The following OSBPL11 variants were observed in gnomAD, a reference collection of about 807,000 sequenced individuals.
The protein encoded by OSBPL11 is oxysterol binding protein like 11, also known as oxysterol-binding protein-related protein 11.
Under a neutral mutation model 84.4 loss-of-function variants are expected in OSBPL11, and 33 were observed. That is an observed-to-expected ratio of 0.39 (90% confidence interval 0.30 to 0.52). The LOEUF is 0.52. Among genes scored for constraint, OSBPL11 ranks in the 20% least tolerant of loss-of-function variants. The pLI, the probability that OSBPL11 is intolerant of heterozygous loss-of-function variation, is 0.72. For missense variants in OSBPL11, 736 were observed against 901.1 expected, an observed-to-expected ratio of 0.82 and a Z score of 2.35; for synonymous variants, 276 against 310.2, an observed-to-expected ratio of 0.89 and a Z score of 1.16.
intron 2 of OSBPL11, among the ~76,000 whole-genome samples, chr3:125,580,889 A>G (rs1936414069): frequency 6.6e-6 from 1 of 152,170 alleles, no homozygotes; most frequent in African/African-American, 2.4e-5. Context: ...AAAACTAAAG[A>G]TTACTTCTCC....
intron 9 of OSBPL11, among the ~76,000 whole-genome samples, chr3:125,549,723 G>A (rs1191281203): frequency 1.3e-5 from 2 of 152,052 alleles, no homozygotes; most frequent in Non-Finnish European, 2.9e-5. Context: ...CTGGGTTCAA[G>A]CTATCCTTCC....
At chr3:125,533,832 A>G (rs1380154892) in intron 11 of OSBPL11, among the ~76,000 whole-genome samples, 3 of 152,230 alleles carry the variant, frequency 2.0e-5, no homozygotes, top group Admixed American at 2.0e-4. Context: ...ACCAATCTCA[A>G]TAACTAAACT....
At chr3:125,567,283 T>C in intron 6 of OSBPL11, 111 bp downstream of exon 6, 1 of 944,932 alleles carries the variant, frequency 1.1e-6, no homozygotes. Context: ...GGCTCTGGTT[T>C]TCTTCTCCTT....
chr3:125,584,123 T>C (rs1217870034), intron 1 of OSBPL11, among the ~76,000 whole-genome samples: 3 of 152,190 alleles, frequency 2.0e-5, no homozygotes, highest in Admixed American at 6.5e-5. Context: ...CCAGCACTTT[T>C]GGAGGCCGGG....
chr3:125,534,952 A>G (rs1334494585), intron 11 of OSBPL11, among the ~76,000 whole-genome samples: 2 of 50,066 alleles, frequency 4.0e-5, no homozygotes, highest in East Asian at 3.6e-4. Flanking sequence ...AAGAAATTAG[A>G]AAAAAAAAAA....
intron 1 of OSBPL11, among the ~76,000 whole-genome samples, chr3:125,586,322 T>C (rs1301972927): frequency 6.6e-6 from 1 of 152,190 alleles, no homozygotes; most frequent in Non-Finnish European, 1.5e-5. Flanking sequence ...AAACTGGGTA[T>C]ATTTCTAATC....
rs1936651153 is a variant in OSBPL11, at chr3:125,594,632, C to T, written c.164+5G>A. The T allele has an allele frequency of 6.2e-7, 1 of 1,612,302 alleles. No homozygotes were observed. The highest frequency in any genetic ancestry group is 8.5e-7 in the Non-Finnish European group (1 of 1,179,630). On this transcript the variant is annotated splice_donor_5th_base_variant and intron_variant, in intron 1 of 12. Coordinates refer to ENST00000296220, the MANE Select transcript of OSBPL11 (RefSeq NM_022776.5). ...CGGGAAATAATTTTGGAGAAAGGAG[C>T]ATACCTGTACTGCCAGCCTTTTGCA... is the stretch of plus-strand genomic sequence containing the variant.
intron 1 of OSBPL11, among the ~76,000 whole-genome samples, chr3:125,591,952 T>C (rs754824879): frequency 6.6e-6 from 1 of 152,098 alleles, no homozygotes; most frequent in Non-Finnish European, 1.5e-5. Flanking sequence ...CAGTGAGCTA[T>C]GATGGAGACA....
intron 5 of OSBPL11, among the ~76,000 whole-genome samples, chr3:125,573,010 AGTGT>A (rs548612736): frequency 4.1e-5 from 6 of 147,532 alleles, no homozygotes; most frequent in Non-Finnish European, 7.5e-5. Flanking sequence ...TAGTATATAT[AGTGT>A]GTGTGTGTGT....
At position 125,594,656 on chromosome 3, in the gene OSBPL11, C is replaced by T. The variant is rs138620986; in HGVS notation, c.145G>A (p.Ala49Thr). The T allele has an allele frequency of 1.9e-4, 311 of 1,613,584 alleles. No homozygotes were observed. The highest frequency in any genetic ancestry group is 4.0e-4 in the Admixed American group (24 of 60,000). The part of the protein sequence containing the change: ...SSSSSSRGGS[A>T]KGWQYSDHME... ...GCATACCTGTACTGCCAGCCTTTTG[C>T]ACTGCCACCGCGGCTGCTGCTGCTG... is the stretch of plus-strand genomic sequence containing the variant. Residue 49 changes from alanine to threonine, a missense_variant, in exon 1 of 13, where the codon GCA becomes ACA. Coordinates refer to ENST00000296220, the MANE Select transcript of OSBPL11 (RefSeq NM_022776.5).
chr3:125,539,902 G>T (rs1355162667), intron 10 of OSBPL11, among the ~76,000 whole-genome samples: 1 of 152,132 alleles, frequency 6.6e-6, no homozygotes, highest in Non-Finnish European at 1.5e-5. Flanking sequence ...GATTCAAAAG[G>T]AAATCCAAAA....
chr3:125,592,289 T>G (rs1351440087), intron 1 of OSBPL11, among the ~76,000 whole-genome samples: 3 of 152,108 alleles, frequency 2.0e-5, no homozygotes, highest in Non-Finnish European at 4.4e-5. Context: ...TGCTCCCACC[T>G]CAGCGCCCCA....
Position 125,579,939 on chromosome 3 carries a change from A to T in OSBPL11, c.335T>A (p.Val112Glu). The change falls in exon 3 of 13, where the codon GTA (valine) becomes GAA (glutamate). Residue 112 changes from valine (V) to glutamate (E), a missense_variant. By Grantham distance (121) the Val-to-Glu change is moderately radical. This residue lies in a region of OSBPL11 where 43 missense variants were observed against 78.7 expected (regional missense o/e 0.55). Transcript: ENST00000296220. ...PRGTLQLAGA[V>E]ISPSDEDSHT... ...AGAATCCTCATCACTGGGTGATATT[A>T]CAGCTCCTGCAAGCTGCAAAGTTCC... 3 of 1,614,176 alleles carry T rather than the reference A, an allele frequency of 1.9e-6. No individual in the cohort carries two copies. The highest frequency in any genetic ancestry group is 2.5e-6 in the Non-Finnish European group (3 of 1,179,992).
At chr3:125,574,111 T>C (rs1397557266) in intron 5 of OSBPL11, among the ~76,000 whole-genome samples, 1 of 152,140 alleles carries the variant, frequency 6.6e-6, no homozygotes, top group African/African-American at 2.4e-5. Context: ...ACTATTTTTA[T>C]AAGAATTCAA....
chr3:125,547,844 G>A (rs1935842351), intron 9 of OSBPL11, among the ~76,000 whole-genome samples: 1 of 152,022 alleles, frequency 6.6e-6, no homozygotes, highest in African/African-American at 2.4e-5. Flanking sequence ...ATGTTACAGT[G>A]GAAACATTTC....
chr3:125,594,548 T>A, intron 1 of OSBPL11, 89 bp downstream of exon 1: 1 of 1,481,128 alleles, frequency 6.8e-7, no homozygotes, highest in East Asian at 2.3e-5. Context: ...GAAAAAACTT[T>A]TATCTTTCAA....
At chr3:125,554,023 G>C (rs928323547) in intron 8 of OSBPL11, among the ~76,000 whole-genome samples, 1 of 152,170 alleles carries the variant, frequency 6.6e-6, no homozygotes, top group Non-Finnish European at 1.5e-5. Context: ...GGAGCTGATC[G>C]CACTAGGTAC....
chr3:125,593,303 T>C (rs552876672), intron 1 of OSBPL11, among the ~76,000 whole-genome samples: 13 of 152,236 alleles, frequency 8.5e-5, no homozygotes, highest in African/African-American at 2.2e-4. Context: ...TATCTTCTTA[T>C]CCTACAGTCA....
intron 1 of OSBPL11, among the ~76,000 whole-genome samples, chr3:125,590,963 A>T (rs1233928738): frequency 1.3e-5 from 2 of 152,212 alleles, no homozygotes; most frequent in Non-Finnish European, 1.5e-5. Context: ...GCCTAAGTCT[A>T]TATTGTCATT....
Sources: gnomAD v4.1 joint callset for allele counts (sites outside exome capture counted in the v4.1 genomes callset) on GRCh38, gnomAD v4.1.1 for gene constraint, gnomAD v4.1.1 regional missense constraint, MANE v1.5 for transcripts, NCBI Gene and HGNC (gene_info 2026-07-23, HGNC 2026-07-21) for gene names.